Variants in OSBPL8 observed in about 807,000 individuals in gnomAD.
OSBPL8 encodes oxysterol-binding protein-related protein 8.
Under a neutral mutation model 125.5 loss-of-function variants are expected in OSBPL8, and 59 were observed. The ratio of observed to expected loss-of-function variants is 0.47; its 90% CI spans 0.38 to 0.58. The LOEUF is 0.58. Among genes scored for constraint, OSBPL8 ranks in the 20% least tolerant of loss-of-function variants. The pLI is 0.00. For synonymous variants in OSBPL8, 330 were observed against 338.9 expected (o/e 0.97, Z 0.29); for missense variants, 758 against 1,047.8 (o/e 0.72, Z 3.82).
At chr12:76,467,607 T>C (rs1018385799) in intron 2 of OSBPL8, among the ~76,000 whole-genome samples, 6 of 152,116 alleles carry the variant, frequency 3.9e-5, no homozygotes, top group African/African-American at 1.4e-4. Context: ...AACATCTGAT[T>C]AAATTATTAA....
At chr12:76,456,149 C>G (rs910754383) in intron 3 of OSBPL8, among the ~76,000 whole-genome samples, 8 of 152,206 alleles carry the variant, frequency 5.3e-5, no homozygotes, top group African/African-American at 1.9e-4. Context: ...TGCCTTTAAT[C>G]TAAGTGGAAG....
intron 5 of OSBPL8, among the ~76,000 whole-genome samples, chr12:76,403,073 T>C (rs1954117800): frequency 6.6e-6 from 1 of 152,130 alleles, no homozygotes; most frequent in Non-Finnish European, 1.5e-5. Context: ...TAGTTATTCT[T>C]AGCACAAAAG....
At chr12:76,487,992 G>T (rs897032003) in intron 1 of OSBPL8, among the ~76,000 whole-genome samples, 3 of 152,178 alleles carry the variant, frequency 2.0e-5, no homozygotes, top group Admixed American at 2.0e-4. Context: ...ATATTCTCAT[G>T]TACTTTTGTT....
chr12:76,403,508 A>T (rs1384895662), intron 5 of OSBPL8, among the ~76,000 whole-genome samples: 1 of 152,178 alleles, frequency 6.6e-6, no homozygotes, highest in Admixed American at 6.6e-5. Flanking sequence ...GGAGATCAGA[A>T]CCCAGGTTTC....
chr12:76,385,741 T>C (rs892877006), intron 14 of OSBPL8, among the ~76,000 whole-genome samples: 7 of 152,108 alleles, frequency 4.6e-5, no homozygotes, highest in African/African-American at 1.7e-4. Flanking sequence ...AGTCATGAAC[T>C]GCACAGGTTT....
chr12:76,409,097 T>C (rs922530699), intron 5 of OSBPL8, among the ~76,000 whole-genome samples: 3 of 152,146 alleles, frequency 2.0e-5, no homozygotes, highest in African/African-American at 4.8e-5. Context: ...TGTAAAATGA[T>C]TGACAGGGCT....
rs75309433 is a variant in OSBPL8 at position 76,366,515 on chromosome 12, A to G, written c.2328+2699T>C. On this transcript the variant is annotated intron_variant, in intron 21 of 23. Transcript: ENST00000261183. ...CTTTTGGTTTGGTTTCACAAATTCT[A>G]TTTTTTTCCTACTCTCTATTTTGTT... The G allele has an allele frequency of 4.4e-4, 169 of 382,670 alleles. 1 individual carries two copies. The East Asian group carries it at 0.012, about 28-fold the overall frequency. The allele number at this position is 382,670 out of a possible 1,614,324, so 23.7% of individuals were successfully genotyped here. A position where few individuals can be genotyped will look rare whatever the true frequency, so the allele number is the denominator to read the frequency against.
At chr12:76,389,962 A>G in intron 11 of OSBPL8, 133 bp from the exon 12 acceptor site, 1 of 639,270 alleles carries the variant, frequency 1.6e-6, no homozygotes, top group East Asian at 3.3e-5. Flanking sequence ...GAAACAAAAA[A>G]TAATAATAAA....
chr12:76,492,789 A>G (rs1156962909), intron 1 of OSBPL8, among the ~76,000 whole-genome samples: 1 of 152,144 alleles, frequency 6.6e-6, no homozygotes, highest in Non-Finnish European at 1.5e-5. Context: ...GAGTTGTATA[A>G]TTATTAAACA....
At chr12:76,356,584 T>C (rs1280777263) in intron 23 of OSBPL8, 42 bp downstream of exon 23, 1 of 1,263,756 alleles carries the variant, frequency 7.9e-7, no homozygotes, top group Non-Finnish European at 1.1e-6. Context: ...TCTTAACTAC[T>C]CCTTGGTCTC....
intron 2 of OSBPL8, among the ~76,000 whole-genome samples, chr12:76,469,103 C>T (rs761134596): frequency 9.9e-5 from 15 of 152,142 alleles, no homozygotes; most frequent in Non-Finnish European, 1.9e-4. Flanking sequence ...TAGTTTCCAA[C>T]CTATTTTCTC....
At chr12:76,432,960 G>A (rs1871021859) in intron 4 of OSBPL8, among the ~76,000 whole-genome samples, 1 of 152,028 alleles carries the variant, frequency 6.6e-6, no homozygotes, top group Non-Finnish European at 1.5e-5. Flanking sequence ...ATCAATCAAT[G>A]GGATGAAAGA....
intron 5 of OSBPL8, among the ~76,000 whole-genome samples, chr12:76,404,575 A>G (rs916151748): frequency 6.6e-6 from 1 of 152,126 alleles, no homozygotes; most frequent in East Asian, 1.9e-4. Context: ...AGACAGCAAG[A>G]CTAACTCTTC....
chr12:76,471,239 A>ATACTGAGTTTGAGATGTGTAT, intron 2 of OSBPL8, among the ~76,000 whole-genome samples: 1 of 152,136 alleles, frequency 6.6e-6, no homozygotes, highest in Non-Finnish European at 1.5e-5. Flanking sequence ...TGTATGGGAC[A>ATACTGAGTTTGAGATGTGTAT]CCAAGCCTCT....
chr12:76,499,946 C>T (rs1438841988), intron 1 of OSBPL8, among the ~76,000 whole-genome samples: 2 of 152,074 alleles, frequency 1.3e-5, no homozygotes, highest in Admixed American at 1.3e-4. Flanking sequence ...TTCTAGTTGC[C>T]TCAAAGCTAC....
intron 1 of OSBPL8, among the ~76,000 whole-genome samples, chr12:76,524,317 A>T (rs1189254333): frequency 6.6e-6 from 1 of 152,228 alleles, no homozygotes; most frequent in Non-Finnish European, 1.5e-5. Flanking sequence ...AGAAGATTAT[A>T]AGTTATTTGT....
At chr12:76,544,999 T>C (rs1441375908) in intron 1 of OSBPL8, among the ~76,000 whole-genome samples, 1 of 152,194 alleles carries the variant, frequency 6.6e-6, no homozygotes, top group African/African-American at 2.4e-5. Flanking sequence ...TCCATTTTAC[T>C]AGGACCCAGA....
At chr12:76,557,485 C>T (rs916906917) in intron 1 of OSBPL8, among the ~76,000 whole-genome samples, 29 of 151,758 alleles carry the variant, frequency 1.9e-4, no homozygotes, top group South Asian at 1.2e-3. Flanking sequence ...CATGGTGGCA[C>T]GCACCTGTAA....
chr12:76,493,078 G>A (rs998048139), intron 1 of OSBPL8, among the ~76,000 whole-genome samples: 1 of 152,132 alleles, frequency 6.6e-6, no homozygotes, highest in African/African-American at 2.4e-5. Context: ...TCTCCACTCT[G>A]CCACCCTATC....
Sources: gnomAD v4.1 joint callset for allele counts (sites outside exome capture counted in the v4.1 genomes callset) on GRCh38, gnomAD v4.1.1 for gene constraint, MANE v1.5 for transcripts, NCBI Gene and HGNC (gene_info 2026-07-23, HGNC 2026-07-21) for gene names.